Variants in PTOV1 observed in about 807,000 individuals in gnomAD.
PTOV1 encodes the protein PTOV1 extended AT-hook containing adaptor protein.
PTOV1 carries 20 observed loss-of-function variants against 58.0 expected under a neutral mutation model. That is an observed-to-expected ratio of 0.34 (90% CI 0.24 to 0.50). The LOEUF is 0.50. Ranked by LOEUF, PTOV1 falls within the 20% of genes least tolerant of loss-of-function variation. PTOV1 has a pLI of 0.98. For synonymous variants in PTOV1, 335 were observed against 234.2 expected (o/e 1.43, Z -3.93); for missense variants, 593 against 565.4 (o/e 1.05, Z -0.50).
chr19:49,857,675 C>T lies in PTOV1; in HGVS notation c.715-18C>T, dbSNP rs766034208. On this transcript the variant is annotated intron_variant, in intron 6 of 11. Transcript: ENST00000391842. ...CAGGAGCCTGGGCCCCTCTTCCCACCCCGTTCCCTTCCAACAGGCAGTGGG... is the reference window on the plus strand; with the variant it reads ...CAGGAGCCTGGGCCCCTCTTCCCACTCCGTTCCCTTCCAACAGGCAGTGGG... The T allele has an allele frequency of 3.0e-5, 48 of 1,611,196 alleles. No individual in the cohort carries two copies. Among genetic ancestry groups the T allele is most frequent in the Non-Finnish European group, 4.0e-5 (47 of 1,178,288 alleles).
chr19:49,857,296 G>C, intron 6 of PTOV1, 166 bp downstream of exon 6: 1 of 1,002,012 alleles, frequency 1.0e-6, no homozygotes, highest in Non-Finnish European at 1.5e-6. Flanking sequence ...GGGCTCCATG[G>C]AAAAGCGGCC....
At position 49,856,788 on chromosome 19, in the gene PTOV1, T is replaced by A. The variant is rs116678199; in HGVS notation, c.559-187T>A. 873 of 666,620 alleles carry A rather than the reference T, an allele frequency of 1.3e-3. 5 individuals are homozygous for A. In the African/African-American group the frequency reaches 0.014, roughly 11 times the overall value. The allele number at this position is 666,620 out of a possible 1,614,324, so 41.3% of individuals were successfully genotyped here. On this transcript the variant is annotated intron_variant, in intron 5 of 11. Coordinates refer to ENST00000391842, the Ensembl canonical transcript of PTOV1. ...CACTCTGACCTCAGCCATGGCAGGGTCGGGGGATGCCGATGGGCGCTGCAC... is the reference window on the plus strand; with the variant it reads ...CACTCTGACCTCAGCCATGGCAGGGACGGGGGATGCCGATGGGCGCTGCAC...
At chr19:49,858,266 G>C (rs2074570677) in intron 9 of PTOV1, 152 bp downstream of exon 9, 1 of 1,074,856 alleles carries the variant, frequency 9.3e-7, no homozygotes, top group Admixed American at 2.4e-5. Flanking sequence ...TAGCTCCTCA[G>C]GCTTGGCTTC....
exon 6 of PTOV1, chr19:49,856,996 C>G (rs1320579738): frequency 6.2e-7 from 1 of 1,613,470 alleles, no homozygotes; most frequent in Non-Finnish European, 8.5e-7. Context: ...GCTGTTCCCC[C>G]ACATCTCCCC....
intron 9 of PTOV1, 173 bp from the exon 10 acceptor site, chr19:49,858,376 G>T: frequency 1.5e-6 from 1 of 682,844 alleles, no homozygotes; most frequent in Non-Finnish European, 2.5e-6. Flanking sequence ...TCTGAGAGCG[G>T]CTTCCACAGC....
chr19:49,852,276 G>GC (rs2074283758), intron 1 of PTOV1: 1 of 174,616 alleles, frequency 5.7e-6, no homozygotes, highest in African/African-American at 2.4e-5. Flanking sequence ...AGCTGTGGCA[G>GC]CCCTACTGAA....
At chr19:49,858,006 G>T in intron 8 of PTOV1, 29 bp downstream of exon 8, 1 of 1,612,936 alleles carries the variant, frequency 6.2e-7, no homozygotes, top group Non-Finnish European at 8.5e-7. Context: ...GGTGGAGGCA[G>T]CATCCAGGGG....
At chr19:49,859,560 G>T (rs1386783535) in intron 10 of PTOV1, among the ~76,000 whole-genome samples, 3 of 149,446 alleles carry the variant, frequency 2.0e-5, no homozygotes, top group Admixed American at 6.6e-5. Context: ...CGACAAGAGC[G>T]AAACTCAGTC....
chr19:49,859,735 G>A lies in PTOV1; in HGVS notation c.1042-251G>A. ...GTGAGGTGGCCCCAGACACAGCCTG[G>A]CCTGCCCAGGAGCTCTGAAATGCAG... On this transcript the variant is annotated intron_variant, in intron 10 of 11. Transcript: ENST00000391842. The A allele has an allele frequency of 7.2e-6, 4 of 552,794 alleles. No individual in the cohort carries two copies. In the East Asian group the frequency reaches 1.2e-4, roughly 17 times the overall value. The allele number at this position is 552,794 out of a possible 1,614,324, so 34.2% of individuals were successfully genotyped here.
intron 5 of PTOV1, chr19:49,856,531 CAACT>C (rs1568644162): frequency 5.4e-6 from 1 of 184,786 alleles, no homozygotes; most frequent in Non-Finnish European, 1.1e-5. Flanking sequence ...TATGTGGCAC[CAACT>C]GTGTGCACTA....
rs763083351 is a variant in PTOV1 at position 49,857,077 on chromosome 19, G to A, written c.661G>A (p.Asp221Asn). ...GATCTTCATGGGCCTCATCCCCTAC[G>A]ACCAGAGCGGCTTCGTCAGTGCCAT... is the stretch of plus-strand genomic sequence containing the variant. Residue 221 changes from aspartate to asparagine, a missense_variant, in exon 6 of 12, where the codon GAC (aspartate) becomes AAC (asparagine). Coordinates refer to ENST00000391842, the Ensembl canonical transcript of PTOV1. 1.5e-5 allele frequency: 25 copies of A among 1,613,986 alleles called. No individual in the cohort carries two copies. The highest frequency in any genetic ancestry group is 1.1e-4 in the South Asian group (10 of 91,082).
At chr19:49,851,557 C>T in intron 1 of PTOV1, 58 bp downstream of exon 1, 1 of 983,992 alleles carries the variant, frequency 1.0e-6, no homozygotes, top group Non-Finnish European at 1.3e-6. Flanking sequence ...CAGCCCCTAT[C>T]CCGGGCTCAC....
chr19:49,850,803 A>C, upstream of PTOV1: 1 of 1,500,878 alleles, frequency 6.7e-7, no homozygotes, highest in Non-Finnish European at 8.9e-7. Context: ...CTTTGTCCCC[A>C]GGCCCATTAT....
At position 49,855,084 on chromosome 19, in the gene PTOV1, GGGGC is replaced by G; in HGVS notation, c.558+12_558+15del. 1 of 1,579,278 alleles carries G rather than the reference GGGGC, an allele frequency of 6.3e-7. No individual in the cohort carries two copies. Among genetic ancestry groups the G allele is most frequent in the Admixed American group, 1.8e-5 (1 of 55,822 alleles). The stretch of plus-strand genomic sequence containing the variant: ...CATCATGGGCAACGGCTTCGTGAGT[GGGGC>G]GGGCTCCCTTGTAGCACTGTGGTGA... On this transcript the variant is annotated splice_region_variant and intron_variant, in intron 5 of 11. Transcript: ENST00000391842.
At chr19:49,856,025 G>A (rs74546599) in intron 5 of PTOV1, 3,815 of 152,268 alleles carry the variant, frequency 0.025, 75 homozygotes, top group Non-Finnish European at 0.039. Context: ...TGTTGGGACA[G>A]TCTGCCTCTA....
exon 12 of PTOV1, chr19:49,860,324 C>G: frequency 6.2e-7 from 1 of 1,605,662 alleles, no homozygotes; most frequent in South Asian, 1.1e-5. Flanking sequence ...AGATGAGGCC[C>G]CCGCAGAGAC....
At chr19:49,854,531 C>T (rs766648202) in exon 2 of PTOV1, 12 of 1,612,950 alleles carry the variant, frequency 7.4e-6, no homozygotes, top group Middle Eastern at 1.7e-4. Context: ...GCGGCGTCCT[C>T]GAGTGGCAGG....
At chr19:49,857,566 A>G (rs2278838) in intron 6 of PTOV1, 127 bp from the exon 7 acceptor site, 35,658 of 844,300 alleles carry the variant, frequency 0.042, 1,167 homozygotes, top group South Asian at 0.12. Flanking sequence ...TTCCCCTGGG[A>G]CTAGAGAATG....
intron 1 of PTOV1, 143 bp from the exon 2 acceptor site, chr19:49,854,262 CA>C: frequency 9.2e-7 from 1 of 1,089,968 alleles, no homozygotes; most frequent in Non-Finnish European, 1.3e-6. Context: ...GAGGGGTGAG[CA>C]GAGGGTTTGG....
Sources: gnomAD v4.1 joint callset for allele counts (sites outside exome capture counted in the v4.1 genomes callset) on GRCh38, gnomAD v4.1.1 for gene constraint, MANE v1.5 for transcripts, NCBI Gene and HGNC (gene_info 2026-07-23, HGNC 2026-07-21) for gene names.